SMOC2: variants seen among roughly 807,000 people sequenced by gnomAD.
The protein encoded by SMOC2 is SPARC-related modular calcium-binding protein 2.
SMOC2 carries 39 observed loss-of-function variants against 61.4 expected under a neutral mutation model. The ratio of observed to expected loss-of-function variants is 0.64; its 90% CI spans 0.49 to 0.83. The LOEUF (loss-of-function observed/expected upper bound fraction) is 0.83. SMOC2 is among the 40% of genes least tolerant of loss of function. The pLI is 0.00. For missense variants in SMOC2, 556 were observed against 592.9 expected, an observed-to-expected ratio of 0.94 and a Z score of 0.65; for synonymous variants, 247 against 239.9, an observed-to-expected ratio of 1.03 and a Z score of -0.27.
chr6:168,600,934 A>G (rs1237378538), intron 8 of SMOC2, among the ~76,000 whole-genome samples: 3 of 152,264 alleles, frequency 2.0e-5, no homozygotes, highest in Non-Finnish European at 2.9e-5. Flanking sequence ...TGGAAATTGT[A>G]TAACCGTGAG....
chr6:168,513,026 G>A (rs372306179), intron 2 of SMOC2, among the ~76,000 whole-genome samples: 1 of 3,728 alleles, frequency 2.7e-4, no homozygotes, highest in African/African-American at 3.0e-4. Flanking sequence ...TCTATAAAAT[G>A]TCCATAAAAG....
intron 9 of SMOC2, among the ~76,000 whole-genome samples, chr6:168,649,448 C>G (rs776837686): frequency 2.6e-5 from 4 of 152,174 alleles, no homozygotes; most frequent in Non-Finnish European, 4.4e-5. Flanking sequence ...GAGAGTGCAG[C>G]GTGGCTCAGT....
At chr6:168,629,665 A>G (rs1786514747) in intron 9 of SMOC2, among the ~76,000 whole-genome samples, 1 of 152,198 alleles carries the variant, frequency 6.6e-6, no homozygotes, top group Non-Finnish European at 1.5e-5. Context: ...AGAGTCATCA[A>G]GGAATGAAAT....
intron 7 of SMOC2, among the ~76,000 whole-genome samples, chr6:168,560,331 T>A (rs1784371778): frequency 1.3e-5 from 2 of 152,260 alleles, no homozygotes; most frequent in African/African-American, 2.4e-5. Context: ...AAAAGCATTG[T>A]AAAGCACCTT....
intron 1 of SMOC2, among the ~76,000 whole-genome samples, chr6:168,484,310 A>G (rs1158170143): frequency 6.6e-6 from 1 of 152,196 alleles, no homozygotes; most frequent in South Asian, 2.1e-4. Context: ...AAAAAGATAC[A>G]CAAATAGCCA....
At chr6:168,642,671 G>A (rs374017125) in intron 9 of SMOC2, among the ~76,000 whole-genome samples, 7 of 152,166 alleles carry the variant, frequency 4.6e-5, no homozygotes, top group Admixed American at 1.3e-4. Flanking sequence ...AGGATGACGC[G>A]CTGACCAGGT....
chr6:168,581,900 C>G (rs1039613880), intron 7 of SMOC2, among the ~76,000 whole-genome samples: 2 of 152,204 alleles, frequency 1.3e-5, no homozygotes, highest in Non-Finnish European at 2.9e-5. Context: ...CTCCTTCAGC[C>G]TCAGCTCTGA....
chr6:168,666,728 A>T lies in SMOC2; in HGVS notation c.*290A>T. The T allele has an allele frequency of 2.2e-6, 1 of 462,458 alleles. No individual in the cohort carries two copies. Among genetic ancestry groups the T allele is most frequent in the Non-Finnish European group, 3.9e-6 (1 of 254,166 alleles). The allele number at this position is 462,458 out of a possible 1,614,324, so 28.6% of individuals were successfully genotyped here. A position where few individuals can be genotyped will look rare whatever the true frequency, so the allele number is the denominator to read the frequency against. On this transcript the variant is annotated 3_prime_UTR_variant, in exon 13 of 13. Transcript: ENST00000356284. ...TAGGCTTAATTTCTTCGCCTTCCAC[A>T]TGTTAACAGTAGAGCTCTATGCACT...
intron 9 of SMOC2, among the ~76,000 whole-genome samples, chr6:168,647,659 C>G (rs576617432): frequency 5.6e-4 from 85 of 152,288 alleles, no homozygotes; most frequent in African/African-American, 1.8e-3. Flanking sequence ...TCTGGGACAT[C>G]TCAGGGTGAT....
chr6:168,577,349 T>G (rs1049299216), intron 7 of SMOC2, among the ~76,000 whole-genome samples: 3 of 152,176 alleles, frequency 2.0e-5, no homozygotes, highest in African/African-American at 7.2e-5. Flanking sequence ...GATGCCTTAT[T>G]CCATCTAAAC....
rs1398789783 is a variant in SMOC2, at chr6:168,543,505, A to C, written c.464-120A>C. On this transcript the variant is annotated intron_variant, in intron 4 of 12. Coordinates refer to ENST00000356284, the MANE Select transcript of SMOC2 (RefSeq NM_001166412.2). ...TAGACAGCTTACAGAATTTAAGTAG[A>C]ACATGCCGAAGCACGGCAAATTAGT... is the stretch of plus-strand genomic sequence containing the variant. 1.6e-5 allele frequency: 13 copies of C among 825,012 alleles called. No homozygotes were observed. In the South Asian group the frequency reaches 1.9e-4, roughly 12 times the overall value. The allele number at this position is 825,012 out of a possible 1,614,324, so 51.1% of individuals were successfully genotyped here. A position where few individuals can be genotyped will look rare whatever the true frequency, so the allele number is the denominator to read the frequency against.
At chr6:168,495,333 T>C (rs1782561133) in intron 1 of SMOC2, among the ~76,000 whole-genome samples, 1 of 152,190 alleles carries the variant, frequency 6.6e-6, no homozygotes, top group Non-Finnish European at 1.5e-5. Flanking sequence ...TCTTCTTCAC[T>C]TCCTCTCTCA....
chr6:168,463,001 G>A (rs1781749004), intron 1 of SMOC2, among the ~76,000 whole-genome samples: 1 of 152,162 alleles, frequency 6.6e-6, no homozygotes, highest in South Asian at 2.1e-4. Context: ...CTCCCAATAG[G>A]AAGGCTCCCA....
intron 11 of SMOC2, among the ~76,000 whole-genome samples, chr6:168,663,353 A>G (rs1404938954): frequency 2.0e-5 from 3 of 152,202 alleles, no homozygotes; most frequent in Admixed American, 6.5e-5. Context: ...GAAAAAAACT[A>G]TTTTGAGCCA....
intron 1 of SMOC2, among the ~76,000 whole-genome samples, chr6:168,447,412 T>G (rs866866477): frequency 6.6e-6 from 1 of 152,212 alleles, no homozygotes; most frequent in Non-Finnish European, 1.5e-5. Context: ...ATACTGACCG[T>G]GGATGCTGCT....
At chr6:168,467,787 TGA>T (rs1265550114) in intron 1 of SMOC2, among the ~76,000 whole-genome samples, 1 of 152,092 alleles carries the variant, frequency 6.6e-6, no homozygotes, top group East Asian at 1.9e-4. Flanking sequence ...TATTTTTATG[TGA>T]GATGTCCTAT....
intron 9 of SMOC2, among the ~76,000 whole-genome samples, chr6:168,648,081 C>T (rs925191642): frequency 6.6e-6 from 1 of 152,256 alleles, no homozygotes; most frequent in South Asian, 2.1e-4. Flanking sequence ...AAAAAAATCC[C>T]CCTGGGTGTG....
intron 7 of SMOC2, among the ~76,000 whole-genome samples, chr6:168,574,922 G>A (rs975608998): frequency 2.6e-5 from 4 of 152,176 alleles, no homozygotes; most frequent in South Asian, 2.1e-4. Context: ...ACTTCGTGCC[G>A]GGGTGCGGGG....
intron 9 of SMOC2, among the ~76,000 whole-genome samples, chr6:168,611,433 G>A (rs1313461629): frequency 1.6e-5 from 2 of 127,980 alleles, no homozygotes; most frequent in South Asian, 2.9e-4. Context: ...CTCCCGTGTC[G>A]GGCCTGGCCG....
Sources: allele counts gnomAD v4.1 joint callset (sites outside exome capture counted in the v4.1 genomes callset), GRCh38; gene constraint gnomAD v4.1.1; transcripts MANE v1.5; gene names NCBI Gene and HGNC (gene_info 2026-07-23, HGNC 2026-07-21).